Variants in TRAPPC9 observed in about 807,000 individuals in gnomAD.
The protein encoded by TRAPPC9 is IKK2 binding protein.
Under a neutral mutation model 124.0 loss-of-function variants are expected in TRAPPC9, and 83 were observed. That is an observed-to-expected ratio of 0.67 (90% CI 0.56 to 0.80). The LOEUF (loss-of-function observed/expected upper bound fraction) is 0.80. Ranked by LOEUF, TRAPPC9 falls within the 30% of genes least tolerant of loss-of-function variation. TRAPPC9 has a pLI of 0.00. For missense variants in TRAPPC9, 1,302 were observed against 1,508.3 expected (o/e 0.86, Z 2.27); for synonymous variants, 638 against 617.5 (o/e 1.03, Z -0.49).
intron 21 of TRAPPC9, among the ~76,000 whole-genome samples, chr8:139,793,632 C>G (rs1822852593): frequency 6.6e-6 from 1 of 152,158 alleles, no homozygotes. Flanking sequence ...GCTCAGGAGC[C>G]TCAGCTGAAG....
intron 17 of TRAPPC9, among the ~76,000 whole-genome samples, chr8:140,166,702 G>A (rs1430979563): frequency 6.6e-6 from 1 of 152,226 alleles, no homozygotes; most frequent in Non-Finnish European, 1.5e-5. Context: ...AAGAAAGCAA[G>A]CAGGCAGCTC....
At chr8:140,179,378 C>T (rs577022155) in intron 17 of TRAPPC9, among the ~76,000 whole-genome samples, 2 of 152,182 alleles carry the variant, frequency 1.3e-5, no homozygotes, top group South Asian at 2.1e-4. Context: ...ATATTTGGGG[C>T]TTACCAATGT....
intron 15 of TRAPPC9, among the ~76,000 whole-genome samples, chr8:140,273,642 T>A (rs2065028117): frequency 6.6e-6 from 1 of 152,160 alleles, no homozygotes; most frequent in South Asian, 2.1e-4. Context: ...TTCCTGCTGC[T>A]CCAGGCATCT....
chr8:140,288,549 G>T (rs909768936), intron 12 of TRAPPC9, among the ~76,000 whole-genome samples: 1 of 152,132 alleles, frequency 6.6e-6, no homozygotes, highest in South Asian at 2.1e-4. Flanking sequence ...TCTCAGCATT[G>T]TAACAGAGGT....
chr8:140,336,910 G>GGTAA (rs35343425), intron 9 of TRAPPC9, among the ~76,000 whole-genome samples: 95,164 of 151,640 alleles, frequency 0.63, 30,208 homozygotes, highest in African/African-American at 0.74. Context: ...CAGGATATGG[G>GGTAA]GTAAGACAAT....
chr8:139,876,953 G>A (rs751674671), intron 21 of TRAPPC9, among the ~76,000 whole-genome samples: 26 of 152,322 alleles, frequency 1.7e-4, no homozygotes, highest in Non-Finnish European at 2.4e-4. Context: ...GGACTGTCTC[G>A]CACACAAGCT....
At chr8:139,934,305 A>G (rs138607750) in intron 19 of TRAPPC9, among the ~76,000 whole-genome samples, 60 of 151,450 alleles carry the variant, frequency 4.0e-4, no homozygotes, top group African/African-American at 1.4e-3. Flanking sequence ...AGAGAGAGAG[A>G]AGATGAGAGT....
At chr8:140,418,827 C>A (rs2070050286) in intron 5 of TRAPPC9, among the ~76,000 whole-genome samples, 1 of 152,110 alleles carries the variant, frequency 6.6e-6, no homozygotes, top group African/African-American at 2.4e-5. Context: ...CACACTGAAT[C>A]CAGCATGATA....
At chr8:140,022,092 A>T (rs1839864712) in intron 18 of TRAPPC9, among the ~76,000 whole-genome samples, 1 of 152,226 alleles carries the variant, frequency 6.6e-6, no homozygotes, top group Non-Finnish European at 1.5e-5. Context: ...TTATCTCATC[A>T]GCACTGGGAA....
intron 15 of TRAPPC9, among the ~76,000 whole-genome samples, chr8:140,259,915 A>G (rs559170606): frequency 6.6e-6 from 1 of 152,358 alleles, no homozygotes; most frequent in East Asian, 1.9e-4. Flanking sequence ...GAAAAGAGCT[A>G]TGTGAAAAAA....
chr8:140,291,089 C>A lies in TRAPPC9; in HGVS notation c.1769-11G>T. 1.9e-6 allele frequency: 3 copies of A among 1,611,036 alleles called. No homozygotes were observed. The highest frequency in any genetic ancestry group is 2.5e-6 in the Non-Finnish European group (3 of 1,177,112). On this transcript the variant is annotated splice_polypyrimidine_tract_variant and intron_variant, in intron 11 of 22. Transcript: ENST00000438773. ...GAACCCACTGGAAATCTAGAAAATA[C>A]ACACACATAAATGAATCCATGTATT...
intron 21 of TRAPPC9, among the ~76,000 whole-genome samples, chr8:139,777,864 C>T (rs1821501048): frequency 6.6e-6 from 1 of 152,274 alleles, no homozygotes; most frequent in South Asian, 2.1e-4. Flanking sequence ...GAGTGGGGAC[C>T]TCAGGGGCAC....
chr8:140,072,526 A>AAGG (rs1232378174), intron 17 of TRAPPC9, among the ~76,000 whole-genome samples: 86 of 137,882 alleles, frequency 6.2e-4, no homozygotes, highest in African/African-American at 2.1e-3. Context: ...TCAAAAAAAA[A>AAGG]AGGAGGAGGA....
At chr8:140,274,193 G>A (rs544558730) in intron 15 of TRAPPC9, among the ~76,000 whole-genome samples, 139 of 152,136 alleles carry the variant, frequency 9.1e-4, no homozygotes, top group African/African-American at 3.2e-3. Flanking sequence ...ATTCCATGTT[G>A]TGTGACTAGC....
intron 17 of TRAPPC9, among the ~76,000 whole-genome samples, chr8:140,146,614 C>T (rs1302311758): frequency 6.6e-6 from 1 of 152,168 alleles, no homozygotes; most frequent in East Asian, 1.9e-4. Context: ...AAAGACTTTT[C>T]TTAACTATGA....
rs1252444295 is a variant in TRAPPC9 at position 140,104,052 on chromosome 8, A to G, written c.2557-79973T>C. Among the ~76,000 whole-genome samples, 2 of 152,140 alleles carry G rather than the reference A, an allele frequency of 1.3e-5. No individual in the cohort carries two copies. Among genetic ancestry groups the G allele is most frequent in the African/African-American group, 2.4e-5 (1 of 41,426 alleles). The stretch of plus-strand genomic sequence containing the variant: ...ACGCTGGACCATCCCTTTGCTTCCT[A>G]TGTTTATTCATTCACTCAGCAGTTA... On this transcript the variant is annotated intron_variant, in intron 17 of 22. Transcript: ENST00000438773. The surrounding 1 kb of genome is among the most constrained non-coding windows in gnomAD (Gnocchi z 4.0).
intron 21 of TRAPPC9, among the ~76,000 whole-genome samples, chr8:139,755,136 G>C (rs1179375579): frequency 6.6e-6 from 1 of 152,248 alleles, no homozygotes. Context: ...GTCTGCCCCA[G>C]CTCCCACTGC....
rs1022799054 is a variant in TRAPPC9 at position 140,216,544 on chromosome 8, T to A, written c.2556+4915A>T. Reference sequence around the variant, plus strand: ...AGATGCCCCCCAAAAGAAGTATGAGTGGAACACAAAGCAAAGGAAGGAACC... The same window carrying A: ...AGATGCCCCCCAAAAGAAGTATGAGAGGAACACAAAGCAAAGGAAGGAACC... On this transcript the variant is annotated intron_variant, in intron 17 of 22. Transcript: ENST00000438773. The surrounding 1 kb of genome is among the most constrained non-coding windows in gnomAD (Gnocchi z 4.1). Among the ~76,000 whole-genome samples the A allele has an allele frequency of 2.0e-5, 3 of 152,012 alleles. No homozygotes were observed. Among genetic ancestry groups the A allele is most frequent in the Non-Finnish European group, 4.4e-5 (3 of 68,008 alleles).
intron 17 of TRAPPC9, among the ~76,000 whole-genome samples, chr8:140,165,336 G>A (rs531514620): frequency 9.9e-5 from 15 of 151,658 alleles, no homozygotes; most frequent in East Asian, 7.8e-4. Flanking sequence ...GTGAGATTCC[G>A]TCTCAAAAGA....
Sources: gnomAD v4.1 joint callset for allele counts (sites outside exome capture counted in the v4.1 genomes callset) on GRCh38, gnomAD v4.1.1 for gene constraint, Gnocchi (gnomAD v3.1) non-coding constraint, MANE v1.5 for transcripts, NCBI Gene and HGNC (gene_info 2026-07-23, HGNC 2026-07-21) for gene names.